CACNA2D3: variants seen among roughly 807,000 people sequenced by gnomAD.
CACNA2D3 encodes the protein calcium voltage-gated channel auxiliary subunit alpha2delta 3, also known as voltage-dependent calcium channel subunit alpha-2/delta-3.
In CACNA2D3, 60 loss-of-function variants were observed where a neutral mutation model predicts 160.6. The observed-to-expected ratio is 0.37, with a 90% CI of 0.30 to 0.46. CACNA2D3 has a LOEUF of 0.46. Ranked by LOEUF, CACNA2D3 falls within the 20% of genes least tolerant of loss-of-function variation. CACNA2D3 has a pLI of 1.00. For missense variants in CACNA2D3, 1,205 were observed against 1,365.0 expected, an observed-to-expected ratio of 0.88 and a Z score of 1.85; for synonymous variants, 558 against 492.9, an observed-to-expected ratio of 1.13 and a Z score of -1.75.
chr3:54,211,585 G>T (rs1701372487), intron 2 of CACNA2D3, among the ~76,000 whole-genome samples: 1 of 152,118 alleles, frequency 6.6e-6, no homozygotes, highest in South Asian at 2.1e-4. Context: ...ACCATTACCT[G>T]CTCCTTACTA....
intron 5 of CACNA2D3, among the ~76,000 whole-genome samples, chr3:54,543,881 A>G (rs1197887758): frequency 6.6e-6 from 1 of 152,252 alleles, no homozygotes. Flanking sequence ...TGTTTTTGCT[A>G]ATAGTTTTGG....
At chr3:55,050,350 C>T (rs1024551213) in intron 35 of CACNA2D3, among the ~76,000 whole-genome samples, 3 of 151,868 alleles carry the variant, frequency 2.0e-5, no homozygotes, top group African/African-American at 7.3e-5. Flanking sequence ...TTTTATTTCT[C>T]CTTCACTTCT....
At chr3:54,159,816 G>A (rs1215769470) in intron 2 of CACNA2D3, among the ~76,000 whole-genome samples, 1 of 152,100 alleles carries the variant, frequency 6.6e-6, no homozygotes, top group African/African-American at 2.4e-5. Flanking sequence ...CAATTTGGGG[G>A]AGATAGACTT....
Position 54,823,996 on chromosome 3 carries a change from A to T in CACNA2D3, c.1398+7126A>T, listed in dbSNP as rs2703017. ...AAATAGACTACCAAGAGTTAACCTAACAATAGTCTGCTAAGCCCAACTCTC... is the reference window on the plus strand; with the variant it reads ...AAATAGACTACCAAGAGTTAACCTATCAATAGTCTGCTAAGCCCAACTCTC... On this transcript the variant is annotated intron_variant, in intron 14 of 37. Coordinates refer to ENST00000474759, the MANE Select transcript of CACNA2D3 (RefSeq NM_018398.3). Among the ~76,000 whole-genome samples, 810 of 152,336 alleles carry T rather than the reference A, an allele frequency of 5.3e-3. 8 individuals carry two copies. Among genetic ancestry groups the T allele is most frequent in the African/African-American group, 0.017 (719 of 41,576 alleles).
At chr3:54,355,190 G>A (rs1323703128) in intron 3 of CACNA2D3, among the ~76,000 whole-genome samples, 3 of 152,188 alleles carry the variant, frequency 2.0e-5, no homozygotes, top group Non-Finnish European at 4.4e-5. Context: ...GGATCTGTAT[G>A]GCCTGAAGGA....
In CACNA2D3 at chr3:55,029,142, C is replaced by T. The variant is rs139347040; in HGVS notation, c.2987+10825C>T. The stretch of plus-strand genomic sequence containing the variant: ...CTGCAGGTGTTTCTACCAAGTGAGG[C>T]TTCTGGAAATGACCTGTATAATGGA... On this transcript the variant is annotated intron_variant, in intron 35 of 37. Transcript: ENST00000474759. Among the ~76,000 whole-genome samples, 49 of 152,246 alleles carry T rather than the reference C, an allele frequency of 3.2e-4. No homozygotes were observed. The East Asian group carries it at 8.7e-3, about 27-fold the overall frequency.
chr3:54,952,421 G>C (rs1189306069), intron 27 of CACNA2D3, among the ~76,000 whole-genome samples: 1 of 152,168 alleles, frequency 6.6e-6, no homozygotes, highest in Non-Finnish European at 1.5e-5. Flanking sequence ...GAGCATCTTA[G>C]GAGCTCTTTT....
At chr3:54,526,484 G>A (rs559942615) in intron 5 of CACNA2D3, among the ~76,000 whole-genome samples, 6 of 152,180 alleles carry the variant, frequency 3.9e-5, no homozygotes, top group Non-Finnish European at 7.4e-5. Context: ...TCTGGGGTTC[G>A]TTATTGTTAT....
intron 5 of CACNA2D3, among the ~76,000 whole-genome samples, chr3:54,559,439 C>G (rs1329937616): frequency 1.3e-5 from 2 of 152,030 alleles, no homozygotes; most frequent in African/African-American, 4.8e-5. Context: ...ACTACAGACG[C>G]CCGCCACCAC....
intron 27 of CACNA2D3, among the ~76,000 whole-genome samples, chr3:54,931,011 G>A (rs1461744104): frequency 3.3e-5 from 5 of 152,150 alleles, no homozygotes; most frequent in Middle Eastern, 3.2e-3. Context: ...CAGGAGAATC[G>A]CTTGAACCCA....
chr3:54,435,112 C>G (rs530522560), intron 4 of CACNA2D3, among the ~76,000 whole-genome samples: 1 of 152,104 alleles, frequency 6.6e-6, no homozygotes, highest in African/African-American at 2.4e-5. Context: ...TCAGTCTCCC[C>G]AGCCCCAGTG....
At chr3:54,566,133 A>G (rs1409645044) in intron 6 of CACNA2D3, among the ~76,000 whole-genome samples, 3 of 152,156 alleles carry the variant, frequency 2.0e-5, no homozygotes, top group African/African-American at 4.8e-5. Context: ...CCCCAGCTGC[A>G]CTCTGGTAGA....
At chr3:54,134,931 C>T (rs1479167292) in intron 2 of CACNA2D3, among the ~76,000 whole-genome samples, 1 of 152,236 alleles carries the variant, frequency 6.6e-6, no homozygotes, top group Non-Finnish European at 1.5e-5. Context: ...ACGAGGAGCA[C>T]CAAGCGAGAC....
chr3:54,187,926 C>T (rs965363918), intron 2 of CACNA2D3, among the ~76,000 whole-genome samples: 12 of 152,030 alleles, frequency 7.9e-5, no homozygotes, highest in South Asian at 6.2e-4. Context: ...TACCGTGGTC[C>T]GTGGTCCGGG....
intron 11 of CACNA2D3, among the ~76,000 whole-genome samples, chr3:54,645,006 C>T (rs1699606558): frequency 6.6e-6 from 1 of 152,226 alleles, no homozygotes; most frequent in African/African-American, 2.4e-5. Flanking sequence ...TACCAATCAA[C>T]ATTAAAAGTC....
At chr3:54,247,038 G>T (rs149801120) in intron 2 of CACNA2D3, among the ~76,000 whole-genome samples, 1 of 152,148 alleles carries the variant, frequency 6.6e-6, no homozygotes, top group African/African-American at 2.4e-5. Flanking sequence ...ACTCCGGGGC[G>T]TGGTGGTTCA....
chr3:54,574,082 T>C (rs1384317629), intron 8 of CACNA2D3, among the ~76,000 whole-genome samples: 1 of 152,162 alleles, frequency 6.6e-6, no homozygotes, highest in Non-Finnish European at 1.5e-5. Context: ...ATCGGCTGGA[T>C]TCCATTTACG....
chr3:54,785,177 T>C (rs929142732), intron 13 of CACNA2D3, among the ~76,000 whole-genome samples: 1 of 152,238 alleles, frequency 6.6e-6, no homozygotes, highest in Admixed American at 6.5e-5. Context: ...ATTGTTAGAA[T>C]ATCTTGACTG....
intron 14 of CACNA2D3, among the ~76,000 whole-genome samples, chr3:54,832,010 G>T (rs1350695406): frequency 5.8e-5 from 2 of 34,666 alleles, no homozygotes; most frequent in African/African-American, 1.2e-4. Context: ...TCTCTTCTCT[G>T]TCACACACAC....
Sources: allele counts gnomAD v4.1 joint callset (sites outside exome capture counted in the v4.1 genomes callset), GRCh38; gene constraint gnomAD v4.1.1; transcripts MANE v1.5; gene names NCBI Gene and HGNC (gene_info 2026-07-23, HGNC 2026-07-21).